Variants in CSMD2 observed in about 807,000 individuals in gnomAD.
The protein encoded by CSMD2 is CUB and Sushi multiple domains 2.
In CSMD2, 130 loss-of-function variants were observed where a neutral mutation model predicts 398.5. The ratio of observed to expected loss-of-function variants is 0.33; its 90% CI spans 0.28 to 0.38. The LOEUF is 0.38. Among genes scored for constraint, CSMD2 ranks in the 10% least tolerant of loss-of-function variants. The pLI, the probability that CSMD2 is intolerant of heterozygous loss-of-function variation, is 1.00. For missense variants in CSMD2, 3,829 were observed against 4,764.9 expected (o/e 0.80, Z 5.78); for synonymous variants, 1,828 against 1,908.5 (o/e 0.96, Z 1.10).
At chr1:33,961,643 T>A (rs1310764838) in intron 3 of CSMD2, among the ~76,000 whole-genome samples, 2 of 152,218 alleles carry the variant, frequency 1.3e-5, no homozygotes, top group South Asian at 2.1e-4. Context: ...TGGGGGTGGA[T>A]CTCTCATGAA....
chr1:34,027,740 T>C (rs1401754201), intron 3 of CSMD2, among the ~76,000 whole-genome samples: 2 of 152,208 alleles, frequency 1.3e-5, no homozygotes, highest in African/African-American at 4.8e-5. Flanking sequence ...ACAGATAGCA[T>C]AATCCCAAGT....
chr1:33,985,305 G>A (rs1444654591), intron 3 of CSMD2, among the ~76,000 whole-genome samples: 2 of 152,208 alleles, frequency 1.3e-5, no homozygotes, highest in Non-Finnish European at 2.9e-5. Flanking sequence ...GGCTTTCTAG[G>A]GGAGGCGAGA....
At chr1:34,022,620 CAGAAG>C (rs776701312) in intron 3 of CSMD2, among the ~76,000 whole-genome samples, 1 of 152,122 alleles carries the variant, frequency 6.6e-6, no homozygotes, top group Non-Finnish European at 1.5e-5. Flanking sequence ...AGGCAGAGAA[CAGAAG>C]AGAAGAGTTG....
At chr1:33,736,721 G>A (rs1252731488) in intron 15 of CSMD2, among the ~76,000 whole-genome samples, 3 of 152,304 alleles carry the variant, frequency 2.0e-5, no homozygotes, top group East Asian at 3.9e-4. Context: ...TGGGAATCTG[G>A]CCTTCTGCCC....
chr1:33,889,219 C>T (rs571255386), intron 5 of CSMD2, among the ~76,000 whole-genome samples: 95 of 152,104 alleles, frequency 6.2e-4, no homozygotes, highest in African/African-American at 2.2e-3. Context: ...CAAAGAGCTC[C>T]TATAAATGAA....
chr1:33,878,822 T>G (rs1447510287), intron 5 of CSMD2, among the ~76,000 whole-genome samples: 5 of 152,202 alleles, frequency 3.3e-5, no homozygotes, highest in African/African-American at 9.7e-5. Flanking sequence ...TCCCACTGTT[T>G]ATGGGACAGC....
At position 34,089,088 on chromosome 1, in the gene CSMD2, G is replaced by A. The variant is rs745687421; in HGVS notation, c.293C>T (p.Ala98Val). The A allele has an allele frequency of 1.6e-5, 26 of 1,614,066 alleles. No individual in the cohort carries two copies. The highest frequency in any genetic ancestry group is 4.0e-5 in the African/African-American group (3 of 74,922). ...NYANCTWTIT[A>V]EEQHRIQLVF... ...AAGCTGGATTCTGTGCTGCTCTTCC[G>A]CGGTGATGGTCCACGTGCAGTTGGC... is the stretch of plus-strand genomic sequence containing the variant. Residue 98 changes from alanine to valine, a missense_variant, in exon 2 of 71, where the codon GCG (alanine) becomes GTG (valine). By Grantham distance (64) the Ala-to-Val change is moderately conservative. Around this residue, in one of 5 missense-constraint regions of CSMD2, gnomAD observed 184 missense variants for 217.7 expected, o/e 0.85. Coordinates refer to ENST00000373381, the MANE Select transcript of CSMD2 (RefSeq NM_001281956.2).
Position 33,856,591 on chromosome 1 carries a change from G to A in CSMD2, c.921-9595C>T, listed in dbSNP as rs185778180. Reference sequence around the variant, plus strand: ...GCTTCTTGAGGAGCTGCCCACATCAGTGTGTGCCTGCCACTTAACTGCCAC... The same window carrying A: ...GCTTCTTGAGGAGCTGCCCACATCAATGTGTGCCTGCCACTTAACTGCCAC... On this transcript the variant is annotated intron_variant, in intron 5 of 70. Coordinates refer to ENST00000373381, the MANE Select transcript of CSMD2 (RefSeq NM_001281956.2). Among the ~76,000 whole-genome samples, 19 of 152,250 alleles carry A rather than the reference G, an allele frequency of 1.2e-4. No individual in the cohort carries two copies. The East Asian group carries it at 3.7e-3, about 30-fold the overall frequency.
At position 34,139,619 on chromosome 1, in the gene CSMD2, C is replaced by A. The variant is rs147362170; in HGVS notation, c.187+25292G>T. On this transcript the variant is annotated intron_variant, in intron 1 of 70. Coordinates refer to ENST00000373381, the MANE Select transcript of CSMD2 (RefSeq NM_001281956.2). ...AGAGTCACAAACATAAACTGACATA[C>A]CCACATATACACATTTACATATACA... is the stretch of plus-strand genomic sequence containing the variant. Among the ~76,000 whole-genome samples the A allele has an allele frequency of 5.0e-3, 756 of 152,212 alleles. 14 individuals carry two copies. The East Asian group carries it at 0.059, about 12-fold the overall frequency.
chr1:33,917,152 T>C (rs530782556), intron 5 of CSMD2, among the ~76,000 whole-genome samples: 1 of 152,118 alleles, frequency 6.6e-6, no homozygotes, highest in Non-Finnish European at 1.5e-5. Flanking sequence ...ACCAGAACGC[T>C]ATTCCCACTG....
At chr1:33,794,411 G>A (rs138971020) in intron 10 of CSMD2, among the ~76,000 whole-genome samples, 69 of 152,360 alleles carry the variant, frequency 4.5e-4, no homozygotes, top group African/African-American at 1.4e-3. Context: ...CTCAGGCTGA[G>A]TTTGGAAGAT....
chr1:34,101,232 C>G (rs964780988), intron 1 of CSMD2, among the ~76,000 whole-genome samples: 13 of 152,220 alleles, frequency 8.5e-5, no homozygotes, highest in South Asian at 2.1e-4. Flanking sequence ...GCATTTCTCT[C>G]TAGCCAGGAT....
chr1:33,724,725 C>A, intron 17 of CSMD2, 21 bp from the exon 18 acceptor site: 1 of 1,609,106 alleles, frequency 6.2e-7, no homozygotes, highest in South Asian at 1.1e-5. Flanking sequence ...GAGGCCACAG[C>A]TGGGACAGAC....
Position 33,556,819 on chromosome 1 carries a change from T to C in CSMD2, c.8743+915A>G, listed in dbSNP as rs116546593. ...AGATCTGATGGTTTTATACGGGGCT[T>C]TTCCCCAACTTTGCTCATTCTTCTC... On this transcript the variant is annotated intron_variant, in intron 55 of 70. Transcript: ENST00000373381. Among the ~76,000 whole-genome samples the C allele has an allele frequency of 7.5e-3, 1,146 of 152,272 alleles. 18 individuals carry two copies. The highest frequency in any genetic ancestry group is 0.026 in the African/African-American group (1,101 of 41,556).
chr1:33,852,535 G>A (rs1272648338), intron 5 of CSMD2, among the ~76,000 whole-genome samples: 1 of 152,176 alleles, frequency 6.6e-6, no homozygotes, highest in Admixed American at 6.5e-5. Context: ...GGCTACTTGG[G>A]AAAATATCAC....
intron 5 of CSMD2, among the ~76,000 whole-genome samples, chr1:33,873,208 G>C (rs765033152): frequency 3.3e-5 from 5 of 152,196 alleles, no homozygotes; most frequent in African/African-American, 1.2e-4. Flanking sequence ...GTGCTCCCAC[G>C]GGAGGAGATG....
chr1:34,141,715 A>G (rs1034890337), intron 1 of CSMD2, among the ~76,000 whole-genome samples: 1 of 152,138 alleles, frequency 6.6e-6, no homozygotes, highest in African/African-American at 2.4e-5. Context: ...TTATTTCTGA[A>G]TGATGCCAGG....
chr1:33,984,836 G>GAGCA (rs796833125), intron 3 of CSMD2, among the ~76,000 whole-genome samples: 179 of 148,902 alleles, frequency 1.2e-3, no homozygotes, highest in African/African-American at 3.2e-3. Flanking sequence ...AGGAGGGAAG[G>GAGCA]AGGAAGGAAG....
In CSMD2 at chr1:33,772,647, C is replaced by T. The variant is rs556507135; in HGVS notation, c.1768G>A (p.Ala590Thr). 2.0e-5 allele frequency: 32 copies of T among 1,614,122 alleles called. No individual in the cohort carries two copies. The highest frequency in any genetic ancestry group is 2.4e-5 in the Non-Finnish European group (28 of 1,179,994). ...GCCTTCTGTCCCACCAGCTCAAAGG[C>T]GGGCTGGCACTCAAACTTGAGTGTG... The part of the protein sequence containing the change: ...GDTLKFECQP[A>T]FELVGQKAIT... The change falls in exon 13 of 71, where the codon GCC becomes ACC. Residue 590 changes from alanine to threonine, a missense_variant. By Grantham distance (58) the Ala-to-Thr change is moderately conservative. Transcript: ENST00000373381.
Sources: gnomAD v4.1 joint callset for allele counts (sites outside exome capture counted in the v4.1 genomes callset) on GRCh38, gnomAD v4.1.1 for gene constraint, gnomAD v4.1.1 regional missense constraint, MANE v1.5 for transcripts, NCBI Gene and HGNC (gene_info 2026-07-23, HGNC 2026-07-21) for gene names.